Variants in TREH observed in about 807,000 individuals in gnomAD.
TREH encodes trehalase, also known as alpha,alpha-trehalose glucohydrolase.
Under a neutral mutation model 80.5 loss-of-function variants are expected in TREH, and 69 were observed. That is an observed-to-expected ratio of 0.86 (90% CI 0.71 to 1.05). The LOEUF (loss-of-function observed/expected upper bound fraction) is 1.05. Ranked by LOEUF, TREH falls within the 50% of genes least tolerant of loss-of-function variation. TREH has a pLI of 0.00. For synonymous variants in TREH, 309 were observed against 293.5 expected (o/e 1.05, Z -0.54); for missense variants, 716 against 718.8 (o/e 1.00, Z 0.04).
rs1555144705 is a variant in TREH at position 118,660,624 on chromosome 11, G to C, written c.1017C>G (p.Ile339Met). The stretch of plus-strand genomic sequence containing the variant: ...CAACAGGCACCAGTTTGCTTGTTCG[G>C]ATGCCGCTAAGCGAGTTGGGGTTTG... ...GGPNPNSLSG[I>M]RTSKLVPVDL... The change falls in exon 10 of 15, where the codon ATC (isoleucine) becomes ATG (methionine). Residue 339 changes from isoleucine to methionine, a missense_variant. By Grantham distance (10) the Ile-to-Met change is conservative (BLOSUM62 1). Transcript: ENST00000264029. 6.2e-7 allele frequency: 1 copy of C among 1,609,312 alleles called. No homozygotes were observed. The highest frequency in any genetic ancestry group is 1.7e-5 in the Admixed American group (1 of 59,388).
chr11:118,672,030 C>T (rs1343722460), intron 1 of TREH, among the ~76,000 whole-genome samples: 1 of 152,180 alleles, frequency 6.6e-6, no homozygotes, highest in East Asian at 1.9e-4. Context: ...GGGATTTCAT[C>T]AATACCAGAC....
chr11:118,663,539 C>T (rs1949349103), intron 1 of TREH, 100 bp from the exon 2 acceptor site: 4 of 965,970 alleles, frequency 4.1e-6, no homozygotes, highest in South Asian at 1.5e-5. Flanking sequence ...AGGCATGTTC[C>T]CTGGGACTGG....
rs545705261 is a variant in TREH at position 118,668,636 on chromosome 11, A to C, written c.90-5197T>G. ...ATGGATTGGAAGAATCAATATTGTT[A>C]AAATGTTCAAATGTTCATATGGGCT... On this transcript the variant is annotated intron_variant, in intron 1 of 14. Coordinates refer to ENST00000264029, the MANE Select transcript of TREH (RefSeq NM_007180.3). Among the ~76,000 whole-genome samples, 13 of 147,260 alleles carry C rather than the reference A, an allele frequency of 8.8e-5. No homozygotes were observed. In the East Asian group the frequency reaches 2.1e-3, roughly 24 times the overall value.
At chr11:118,664,082 G>C (rs1470772747) in intron 1 of TREH, among the ~76,000 whole-genome samples, 1 of 152,154 alleles carries the variant, frequency 6.6e-6, no homozygotes, top group Admixed American at 6.5e-5. Context: ...GCTGCTCAGG[G>C]AATGCAAGGA....
intron 1 of TREH, among the ~76,000 whole-genome samples, chr11:118,673,571 G>A (rs550669950): frequency 3.3e-5 from 5 of 152,292 alleles, no homozygotes; most frequent in East Asian, 3.9e-4. Context: ...ATGAACACAC[G>A]TGGCCACCTC....
At position 118,679,560 on chromosome 11, in the gene TREH, G is replaced by A; in HGVS notation, c.68C>T (p.Ala23Val). ...CTACCTCTCACAGGGTGGGGGTAGGGCCTCCTGGGACCCCAGTCCCAGCCC... is the reference window on the plus strand; with the variant it reads ...CTACCTCTCACAGGGTGGGGGTAGGACCTCCTGGGACCCCAGTCCCAGCCC... The part of the protein sequence containing the change: ...LLGLGLGSQE[A>V]LPPPCESEIY... The change falls in exon 1 of 15, where the codon GCC becomes GTC. Residue 23 changes from alanine (A) to valine (V), a missense_variant. By Grantham distance (64) the Ala-to-Val change is moderately conservative. Transcript: ENST00000264029. 6.5e-7 allele frequency: 1 copy of A among 1,544,916 alleles called. No homozygotes were observed. The highest frequency in any genetic ancestry group is 1.4e-5 in the African/African-American group (1 of 73,490).
intron 1 of TREH, among the ~76,000 whole-genome samples, chr11:118,668,954 C>CT (rs1171729057): frequency 6.6e-6 from 1 of 151,918 alleles, no homozygotes; most frequent in Non-Finnish European, 1.5e-5. Flanking sequence ...TCATAAAACT[C>CT]TATTAAAAAA....
At position 118,658,377 on chromosome 11, in the gene TREH, G is replaced by A. The variant is rs1279223478; in HGVS notation, c.1664C>T (p.Thr555Ile). Residue 555 changes from threonine (T) to isoleucine (I), a missense_variant, in exon 15 of 15, where the codon ACC becomes ATC. Coordinates refer to ENST00000264029, the MANE Select transcript of TREH (RefSeq NM_007180.3). ...CAGGAAAGCCAGCTTGGCCCCTGAG[G>A]TCAGCCGGTCACCATAGCGGTCCAG... ...MLLDRYGDRL[T>I]SGAKLAFLEP... 4.4e-6 allele frequency: 7 copies of A among 1,608,796 alleles called. No individual in the cohort carries two copies. In the East Asian group the frequency reaches 1.6e-4, roughly 36 times the overall value.
chr11:118,665,311 TG>T (rs1949366521), intron 1 of TREH, among the ~76,000 whole-genome samples: 1 of 151,888 alleles, frequency 6.6e-6, no homozygotes, highest in Non-Finnish European at 1.5e-5. Flanking sequence ...GGACTGCAAA[TG>T]TGGGTGTCAG....
At chr11:118,675,627 C>A (rs569308021) in intron 1 of TREH, among the ~76,000 whole-genome samples, 1 of 152,190 alleles carries the variant, frequency 6.6e-6, no homozygotes, top group African/African-American at 2.4e-5. Context: ...CTTCTGTGTC[C>A]TTTCCCCATG....
Position 118,661,928 on chromosome 11 carries a change from G to A in TREH, c.486C>T (p.Phe162=), listed in dbSNP as rs1555145091. The A allele has an allele frequency of 1.3e-6, 2 of 1,555,986 alleles. No individual in the cohort carries two copies. The highest frequency in any genetic ancestry group is 1.7e-6 in the Non-Finnish European group (2 of 1,149,552). The change falls in exon 5 of 15, where the codon TTC becomes TTT. Residue 162 remains phenylalanine, a synonymous_variant. Coordinates refer to ENST00000264029, the MANE Select transcript of TREH (RefSeq NM_007180.3). The surrounding 1 kb of genome is among the most constrained non-coding windows in gnomAD (Gnocchi z 4.2). The part of the protein sequence containing the change: ...RFSLIYSEHP[F]IVPGGRFVEF... ...CAACAAAGCGACCGCCAGGCACAAT[G>A]AAGGGATGTTCTGAGTAGATGAGAG...
chr11:118,678,759 G>A (rs1169593070), intron 1 of TREH, among the ~76,000 whole-genome samples: 9 of 151,486 alleles, frequency 5.9e-5, no homozygotes, highest in Admixed American at 3.3e-4. Flanking sequence ...GGTGGACATC[G>A]CCTGAGTCCA....
At chr11:118,662,033 G>A (rs368688511) in intron 4 of TREH, 43 bp from the exon 5 acceptor site, 25 of 1,475,506 alleles carry the variant, frequency 1.7e-5, no homozygotes, top group African/African-American at 1.3e-4. Flanking sequence ...GAATCCCCAC[G>A]GAAGCAGAGG....
chr11:118,676,652 AG>A (rs745847758), intron 1 of TREH, among the ~76,000 whole-genome samples: 3 of 151,902 alleles, frequency 2.0e-5, no homozygotes, highest in Non-Finnish European at 2.9e-5. Flanking sequence ...CTATAGTCCC[AG>A]CTACTTGGGA....
At chr11:118,678,725 T>C (rs1949504365) in intron 1 of TREH, among the ~76,000 whole-genome samples, 1 of 150,672 alleles carries the variant, frequency 6.6e-6, no homozygotes, top group Admixed American at 6.6e-5. Context: ...TGGCCACAGC[T>C]CCATAAATCC....
chr11:118,674,267 G>T lies in TREH; in HGVS notation c.89+5272C>A, dbSNP rs899116789. 3.3e-5 allele frequency among the ~76,000 whole-genome samples: 5 copies of T among 152,204 alleles called. No homozygotes were observed. Among genetic ancestry groups the T allele is most frequent in the African/African-American group, 1.2e-4 (5 of 41,446 alleles). On this transcript the variant is annotated intron_variant, in intron 1 of 14. Transcript: ENST00000264029. The surrounding 1 kb of genome is among the most constrained non-coding windows in gnomAD (Gnocchi z 4.4). ...TCTAGTCCAAAGTCTCAGCACTCGTGCCAGGAGGTGCTCTAAGACTTTTGC... is the reference window on the plus strand; with the variant it reads ...TCTAGTCCAAAGTCTCAGCACTCGTTCCAGGAGGTGCTCTAAGACTTTTGC...
rs782679595 is a variant in TREH, at chr11:118,661,163, G to A, written c.854C>T (p.Pro285Leu). Residue 285 changes from proline (P) to leucine (L), a missense_variant, in exon 8 of 15, where the codon CCC (proline) becomes CTC (leucine). By Grantham distance (98) the Pro-to-Leu change is moderately conservative (BLOSUM62 -3). Coordinates refer to ENST00000264029, the MANE Select transcript of TREH (RefSeq NM_007180.3). This position sits in a 1 kb window ranked among gnomAD's most constrained non-coding sequence, Gnocchi z 4.2. ...LNRYYVPYGG[P>L]RPESYSKDVE... The stretch of plus-strand genomic sequence containing the variant: ...GGTGGGCTGCCCAGTTCCTCACCTG[G>A]GTCCCCCATAAGGGACATAATAGCG... 7 of 1,613,786 alleles carry A rather than the reference G, an allele frequency of 4.3e-6. No individual in the cohort carries two copies. In the South Asian group the frequency reaches 6.6e-5, roughly 15 times the overall value.
chr11:118,667,434 C>T (rs1949388479), intron 1 of TREH, among the ~76,000 whole-genome samples: 2 of 152,132 alleles, frequency 1.3e-5, no homozygotes, highest in African/African-American at 4.8e-5. Flanking sequence ...CTCCTGGCTT[C>T]AAGTGATCCT....
chr11:118,657,344 T>G lies in TREH; in HGVS notation c.*945A>C, dbSNP rs955913751. On this transcript the variant is annotated 3_prime_UTR_variant, in exon 15 of 15. Coordinates refer to ENST00000264029, the MANE Select transcript of TREH (RefSeq NM_007180.3). ...ACCTTGAGGTCCCAGCTCCATCCCC[T>G]AGTTGCAGACTCATCACCATGGTTA... 3 of 154,554 alleles carry G rather than the reference T, an allele frequency of 1.9e-5. No homozygotes were observed. The highest frequency in any genetic ancestry group is 6.3e-5 in the Admixed American group (1 of 15,760). 9.6% of individuals were successfully genotyped at this position (154,554 alleles called of 1,614,324 possible). A position where few individuals can be genotyped will look rare whatever the true frequency, so the allele number is the denominator to read the frequency against.
Sources: allele counts gnomAD v4.1 joint callset (sites outside exome capture counted in the v4.1 genomes callset), GRCh38; gene constraint gnomAD v4.1.1; non-coding constraint Gnocchi (gnomAD v3.1); transcripts MANE v1.5; gene names NCBI Gene and HGNC (gene_info 2026-07-23, HGNC 2026-07-21).